The following YES1 variants were observed in gnomAD, a reference collection of about 807,000 sequenced individuals.
YES1 encodes tyrosine-protein kinase Yes.
Under a neutral mutation model 70.4 loss-of-function variants are expected in YES1, and 39 were observed. The observed-to-expected ratio is 0.55, with a 90% CI of 0.43 to 0.72. YES1 has a LOEUF of 0.72. YES1 is among the 30% of genes least tolerant of loss of function. The pLI is 0.00. For missense variants in YES1, 495 were observed against 644.8 expected (o/e 0.77, Z 2.52); for synonymous variants, 198 against 218.6 (o/e 0.91, Z 0.83).
intron 1 of YES1, among the ~76,000 whole-genome samples, chr18:779,504 T>A (rs1194540148): frequency 6.6e-6 from 1 of 152,164 alleles, no homozygotes; most frequent in African/African-American, 2.4e-5. Flanking sequence ...TCAAGATTTT[T>A]AAAAAATGTA....
At chr18:797,551 G>T (rs1426532408) in intron 1 of YES1, among the ~76,000 whole-genome samples, 1 of 152,120 alleles carries the variant, frequency 6.6e-6, no homozygotes, top group Admixed American at 6.5e-5. Context: ...ACTAACACAA[G>T]AAAGTACCAC....
intron 11 of YES1, among the ~76,000 whole-genome samples, chr18:730,971 T>C (rs551045737): frequency 4.3e-5 from 4 of 92,176 alleles, no homozygotes; most frequent in African/African-American, 1.8e-4. Context: ...AGCAAAGGAG[T>C]GATTATACTG....
chr18:794,064 G>C (rs1906411196), intron 1 of YES1, among the ~76,000 whole-genome samples: 1 of 152,172 alleles, frequency 6.6e-6, no homozygotes, highest in Non-Finnish European at 1.5e-5. Flanking sequence ...ATCATCAATG[G>C]AAGCAAAAAC....
At chr18:771,787 G>T (rs755297635) in intron 1 of YES1, among the ~76,000 whole-genome samples, 4 of 151,680 alleles carry the variant, frequency 2.6e-5, no homozygotes, top group Non-Finnish European at 5.9e-5. Context: ...CCCACACTTC[G>T]GCCTTCCCTG....
At chr18:795,355 A>T (rs1341385543) in intron 1 of YES1, among the ~76,000 whole-genome samples, 1 of 152,168 alleles carries the variant, frequency 6.6e-6, no homozygotes, top group Non-Finnish European at 1.5e-5. Flanking sequence ...GGGAAACATA[A>T]AGGAAATGTG....
intron 1 of YES1, among the ~76,000 whole-genome samples, chr18:758,487 G>A (rs4084146): frequency 0.57 from 86,813 of 151,914 alleles, 25,583 homozygotes; most frequent in African/African-American, 0.72. Context: ...TGTTTCCCCA[G>A]TGCATATGCC....
intron 6 of YES1, 131 bp from the exon 7 acceptor site, chr18:743,546 C>T: frequency 1.4e-6 from 1 of 690,930 alleles, no homozygotes; most frequent in Non-Finnish European, 2.2e-6. Flanking sequence ...TCTAAAAGCA[C>T]AAAACAAAAA....
At chr18:787,080 C>CTTTTTTTTTTTTTTTTTTTT (rs71174290) in intron 1 of YES1, among the ~76,000 whole-genome samples, 1 of 34,754 alleles carries the variant, frequency 2.9e-5, no homozygotes, top group African/African-American at 1.1e-4. Flanking sequence ...TACATACTGT[C>CTTTTTTTTTTTTTTTTTTTT]TTTTTTTTTT....
At chr18:749,963 A>AT (rs2080325329) in intron 3 of YES1, among the ~76,000 whole-genome samples, 1 of 152,168 alleles carries the variant, frequency 6.6e-6, no homozygotes. Flanking sequence ...ATAAGCCGTC[A>AT]TTTTTTCAAA....
chr18:775,528 G>C (rs1905336321), intron 1 of YES1, among the ~76,000 whole-genome samples: 1 of 152,100 alleles, frequency 6.6e-6, no homozygotes, highest in Admixed American at 6.5e-5. Flanking sequence ...CGGATGTAGT[G>C]GCTCACACCT....
chr18:746,727 C>T lies in YES1; in HGVS notation c.471-676G>A, dbSNP rs186981442. Among the ~76,000 whole-genome samples, 720 of 152,198 alleles carry T rather than the reference C, an allele frequency of 4.7e-3. 2 individuals are homozygous for T. Among genetic ancestry groups the T allele is most frequent in the Non-Finnish European group, 7.2e-3 (493 of 68,012 alleles). Reference sequence around the variant, plus strand: ...TGAAAATAAAGTAGCGTTTATGAATCCCAGATAAACTGGTTTAACCTAAAA... The same window carrying T: ...TGAAAATAAAGTAGCGTTTATGAATTCCAGATAAACTGGTTTAACCTAAAA... On this transcript the variant is annotated intron_variant, in intron 4 of 11. Coordinates refer to ENST00000314574, the MANE Select transcript of YES1 (RefSeq NM_005433.4).
chr18:774,492 T>C (rs1905285744), intron 1 of YES1, among the ~76,000 whole-genome samples: 1 of 152,116 alleles, frequency 6.6e-6, no homozygotes, highest in African/African-American at 2.4e-5. Flanking sequence ...CCTGCAATCT[T>C]CCCCAACTCG....
Position 736,724 on chromosome 18 carries a change from C to T in YES1, c.1291+84G>A, listed in dbSNP as rs1238226540. 20 of 1,506,972 alleles carry T rather than the reference C, an allele frequency of 1.3e-5. No individual in the cohort carries two copies. The African/African-American group carries it at 2.6e-4, about 20-fold the overall frequency. 93.4% of individuals were successfully genotyped at this position (1,506,972 alleles called of 1,614,324 possible). A position where few individuals can be genotyped will look rare whatever the true frequency, so the allele number is the denominator to read the frequency against. On this transcript the variant is annotated intron_variant, in intron 10 of 11. Transcript: ENST00000314574. ...TCTTCTGAGGGAAGCTAAAACAATT[C>T]TTATTCTGGAAAACCCTGTATAGTC...
At chr18:793,479 G>A (rs1388018180) in intron 1 of YES1, among the ~76,000 whole-genome samples, 1 of 152,100 alleles carries the variant, frequency 6.6e-6, no homozygotes, top group African/African-American at 2.4e-5. Context: ...TAGGGCTACA[G>A]GCATCTGCCA....
chr18:806,622 A>T (rs1229241577), intron 1 of YES1, among the ~76,000 whole-genome samples: 1 of 152,250 alleles, frequency 6.6e-6, no homozygotes, highest in Non-Finnish European at 1.5e-5. Context: ...ATTGCTATAA[A>T]ACAGTTCCTT....
In YES1 at chr18:786,496, TACACACACACACAC is replaced by T. The variant is rs56410052; in HGVS notation, c.-9+25604_-9+25617del. ...ATAAACATCATCATTAATAAGTCCA[TACACACACACACAC>T]ACACACACACACACACACACACACA... On this transcript the variant is annotated intron_variant, in intron 1 of 11. Transcript: ENST00000314574. Among the ~76,000 whole-genome samples the T allele has an allele frequency of 2.6e-3, 366 of 139,532 alleles. 1 individual carries two copies. The highest frequency in any genetic ancestry group is 9.1e-3 in the African/African-American group (342 of 37,672). The allele number at this position is 139,532 out of a possible 152,430, so 91.5% of individuals were successfully genotyped here. A position where few individuals can be genotyped will look rare whatever the true frequency, so the allele number is the denominator to read the frequency against.
At chr18:778,841 TA>T (rs551332657) in intron 1 of YES1, among the ~76,000 whole-genome samples, 1 of 152,318 alleles carries the variant, frequency 6.6e-6, no homozygotes, top group Non-Finnish European at 1.5e-5. Flanking sequence ...AGCAGACTAC[TA>T]AAGGGCATAC....
rs766890180 is a variant in YES1 at position 722,017 on chromosome 18, T to C, written c.*2407A>G. On this transcript the variant is annotated 3_prime_UTR_variant, in exon 12 of 12. Coordinates refer to ENST00000314574, the MANE Select transcript of YES1 (RefSeq NM_005433.4). ...TTAAAATGAATACACATTAAGTTAG[T>C]GTTTTATCCCTACTATACAATTGTT... 1.3e-5 allele frequency: 2 copies of C among 152,652 alleles called. No individual in the cohort carries two copies. Among genetic ancestry groups the C allele is most frequent in the Non-Finnish European group, 2.9e-5 (2 of 68,042 alleles). The allele number at this position is 152,652 out of a possible 1,614,324, so 9.5% of individuals were successfully genotyped here.
intron 1 of YES1, among the ~76,000 whole-genome samples, chr18:792,527 A>ATCTCTC (rs374164158): frequency 0.028 from 3,183 of 115,288 alleles, 38 homozygotes; most frequent in East Asian, 0.041. Context: ...CTGAGACTCC[A>ATCTCTC]TCTCTCTCTC....
Sources: allele counts gnomAD v4.1 joint callset (sites outside exome capture counted in the v4.1 genomes callset), GRCh38; gene constraint gnomAD v4.1.1; transcripts MANE v1.5; gene names NCBI Gene and HGNC (gene_info 2026-07-23, HGNC 2026-07-21).